Variants in COL25A1 observed in about 807,000 individuals in gnomAD.
COL25A1 encodes collagen type XXV alpha 1 chain.
A neutral mutation model predicts 128.4 loss-of-function variants in COL25A1; 103 were observed. The observed-to-expected ratio is 0.80, with a 90% CI of 0.68 to 0.94. The LOEUF (loss-of-function observed/expected upper bound fraction) is 0.94, where lower values mean the gene tolerates loss of function less well. COL25A1 is among the 40% of genes least tolerant of loss of function. The pLI is 0.00. For missense variants in COL25A1, 745 were observed against 840.0 expected (o/e 0.89, Z 1.40); for synonymous variants, 279 against 277.2 (o/e 1.01, Z -0.06).
At chr4:109,271,990 G>C (rs1379514715) in intron 3 of COL25A1, among the ~76,000 whole-genome samples, 1 of 152,068 alleles carries the variant, frequency 6.6e-6, no homozygotes, top group African/African-American at 2.4e-5. Flanking sequence ...TGTAATCCTA[G>C]CACTTTGGGA....
chr4:109,056,263 G>T (rs1761436774), intron 3 of COL25A1, among the ~76,000 whole-genome samples: 1 of 151,958 alleles, frequency 6.6e-6, no homozygotes, highest in Admixed American at 6.6e-5. Flanking sequence ...TATTTAAATT[G>T]TTTGCTAGTA....
chr4:108,982,114 A>G (rs891292832), intron 6 of COL25A1, among the ~76,000 whole-genome samples: 4 of 152,162 alleles, frequency 2.6e-5, no homozygotes, highest in Non-Finnish European at 1.5e-5. Context: ...GAATCGCTTG[A>G]ACCGAAGAGG....
chr4:108,844,224 G>A (rs181719575), intron 30 of COL25A1, among the ~76,000 whole-genome samples: 29 of 152,276 alleles, frequency 1.9e-4, no homozygotes, highest in African/African-American at 4.3e-4. Flanking sequence ...AGGAGTGGCC[G>A]GATAAAATGA....
At chr4:108,956,742 T>C (rs971134628) in intron 8 of COL25A1, among the ~76,000 whole-genome samples, 2 of 152,084 alleles carry the variant, frequency 1.3e-5, no homozygotes, top group Non-Finnish European at 2.9e-5. Context: ...CTCTCAAACT[T>C]TGGGTGTGGG....
chr4:108,825,978 G>A (rs913156536), intron 33 of COL25A1, among the ~76,000 whole-genome samples: 9 of 152,102 alleles, frequency 5.9e-5, no homozygotes, highest in Non-Finnish European at 7.4e-5. Flanking sequence ...CAAAGTTCAC[G>A]AGAGGTTACT....
Position 108,997,514 on chromosome 4 carries a change from G to C in COL25A1, c.438+12844C>G, listed in dbSNP as rs191735619. Among the ~76,000 whole-genome samples, 27 of 152,250 alleles carry C rather than the reference G, an allele frequency of 1.8e-4. No homozygotes were observed. In the Middle Eastern group the frequency reaches 0.01, roughly 58 times the overall value. On this transcript the variant is annotated intron_variant, in intron 6 of 37. Transcript: ENST00000399132. Reference sequence around the variant, plus strand: ...ACCAACCAAAAAAAGTCCAAGACCAGACGAATTCACAGCCGAATTCTACCA... The same window carrying C: ...ACCAACCAAAAAAAGTCCAAGACCACACGAATTCACAGCCGAATTCTACCA...
chr4:109,126,150 C>T (rs554957846), intron 3 of COL25A1, among the ~76,000 whole-genome samples: 1 of 151,398 alleles, frequency 6.6e-6, no homozygotes, highest in Non-Finnish European at 1.5e-5. Flanking sequence ...TTTTTAAATC[C>T]CCAATGTTTT....
intron 5 of COL25A1, among the ~76,000 whole-genome samples, chr4:109,042,721 G>A (rs1332605522): frequency 6.6e-6 from 1 of 151,946 alleles, no homozygotes; most frequent in African/African-American, 2.4e-5. Context: ...AGTAATTAAA[G>A]GAATATTTGC....
intron 3 of COL25A1, among the ~76,000 whole-genome samples, chr4:109,079,106 A>T (rs6818139): frequency 0.11 from 16,305 of 152,204 alleles, 1,087 homozygotes; most frequent in African/African-American, 0.18. Context: ...TCAGAAGGGG[A>T]GTGAAAGAAT....
chr4:108,997,796 C>T (rs1579029497), intron 6 of COL25A1, among the ~76,000 whole-genome samples: 2 of 152,320 alleles, frequency 1.3e-5, no homozygotes, highest in African/African-American at 4.8e-5. Context: ...CAGCTTCATT[C>T]CTGGGATGCA....
chr4:108,993,994 T>C (rs1053149432), intron 6 of COL25A1, among the ~76,000 whole-genome samples: 2 of 152,058 alleles, frequency 1.3e-5, no homozygotes, highest in South Asian at 2.1e-4. Context: ...GCTTCCAAGA[T>C]GGCCAAATAG....
chr4:109,095,923 A>G (rs921316184), intron 3 of COL25A1, among the ~76,000 whole-genome samples: 1 of 152,178 alleles, frequency 6.6e-6, no homozygotes, highest in African/African-American at 2.4e-5. Context: ...GTTTACCAAG[A>G]GTAGAAATTT....
At chr4:109,090,640 AG>A (rs1451811392) in intron 3 of COL25A1, among the ~76,000 whole-genome samples, 1 of 152,210 alleles carries the variant, frequency 6.6e-6, no homozygotes, top group East Asian at 1.9e-4. Context: ...TTTTTAAAAA[AG>A]CAAAAACCTT....
intron 3 of COL25A1, among the ~76,000 whole-genome samples, chr4:109,114,789 G>T (rs572465318): frequency 6.6e-6 from 1 of 152,190 alleles, no homozygotes; most frequent in Admixed American, 6.6e-5. Context: ...TGGCAATGTG[G>T]ATGCCAAAAT....
At chr4:109,077,615 C>T (rs375231835) in intron 3 of COL25A1, among the ~76,000 whole-genome samples, 3 of 152,348 alleles carry the variant, frequency 2.0e-5, no homozygotes, top group African/African-American at 7.2e-5. Flanking sequence ...CAGCTTCAAA[C>T]ATTTTAGCCC....
intron 3 of COL25A1, among the ~76,000 whole-genome samples, chr4:109,201,987 G>T (rs1219515562): frequency 6.6e-6 from 1 of 152,088 alleles, no homozygotes; most frequent in Non-Finnish European, 1.5e-5. Context: ...CCAAATAAAT[G>T]GAGAGATATT....
At chr4:109,093,457 G>GAAAAAAAAAAA (rs564834752) in intron 3 of COL25A1, among the ~76,000 whole-genome samples, 72 of 69,404 alleles carry the variant, frequency 1.0e-3, no homozygotes, top group African/African-American at 4.0e-3. Context: ...CCATCTCTAT[G>GAAAAAAAAAAA]AAAAAAAAAA....
At chr4:108,853,246 T>C (rs1736020210) in intron 24 of COL25A1, among the ~76,000 whole-genome samples, 1 of 152,150 alleles carries the variant, frequency 6.6e-6, no homozygotes, top group African/African-American at 2.4e-5. Flanking sequence ...AATTGTGAAC[T>C]GAGAAATTTT....
intron 37 of COL25A1, 105 bp downstream of exon 37, chr4:108,817,292 C>T: frequency 1.0e-6 from 1 of 977,266 alleles, no homozygotes. Flanking sequence ...GAGATGAAAT[C>T]TTTTGCTTTT....
Sources: gnomAD v4.1 joint callset for allele counts (sites outside exome capture counted in the v4.1 genomes callset) on GRCh38, gnomAD v4.1.1 for gene constraint, MANE v1.5 for transcripts, NCBI Gene and HGNC (gene_info 2026-07-23, HGNC 2026-07-21) for gene names.